UBR2: variants seen among roughly 807,000 people sequenced by gnomAD.
UBR2 encodes ubiquitin protein ligase E3 component n-recognin 2, also known as E3 ubiquitin-protein ligase UBR2.
Under a neutral mutation model 247.9 loss-of-function variants are expected in UBR2, and 92 were observed. That is an observed-to-expected ratio of 0.37 (90% CI 0.31 to 0.44). The LOEUF (loss-of-function observed/expected upper bound fraction) is 0.44. Among genes scored for constraint, UBR2 ranks in the 20% least tolerant of loss-of-function variants. The pLI, the probability that UBR2 is intolerant of heterozygous loss-of-function variation, is 1.00. For missense variants in UBR2, 1,613 were observed against 2,112.6 expected, an observed-to-expected ratio of 0.76 and a Z score of 4.64; for synonymous variants, 672 against 693.5, an observed-to-expected ratio of 0.97 and a Z score of 0.49.
intron 1 of UBR2, among the ~76,000 whole-genome samples, chr6:42,570,703 A>T (rs1582413405): frequency 6.6e-6 from 1 of 151,042 alleles, no homozygotes; most frequent in East Asian, 2.0e-4. Context: ...TTGTTTTTTG[A>T]GACAGGATCT....
intron 21 of UBR2, among the ~76,000 whole-genome samples, chr6:42,647,108 C>T (rs1235208860): frequency 6.6e-6 from 1 of 152,018 alleles, no homozygotes; most frequent in African/African-American, 2.4e-5. Context: ...AGGCATAAGC[C>T]ACCACACCTG....
At chr6:42,584,645 A>G (rs1387066111) in intron 2 of UBR2, among the ~76,000 whole-genome samples, 2 of 152,208 alleles carry the variant, frequency 1.3e-5, no homozygotes, top group Non-Finnish European at 2.9e-5. Context: ...TCCCAAGTCC[A>G]TAAACATTTT....
intron 3 of UBR2, 29 bp downstream of exon 3, chr6:42,592,258 G>A (rs371573220): frequency 2.0e-5 from 28 of 1,431,602 alleles, no homozygotes; most frequent in Admixed American, 7.5e-5. Context: ...ATAACCATGC[G>A]CAGTATTGCA....
At chr6:42,617,216 G>A in intron 10 of UBR2, 193 bp from the exon 11 acceptor site, 1 of 1,608,018 alleles carries the variant, frequency 6.2e-7, no homozygotes, top group Non-Finnish European at 8.5e-7. Context: ...TGGATTAGAG[G>A]TGAATCTCCC....
At chr6:42,672,224 G>GA (rs1798486197) in intron 36 of UBR2, among the ~76,000 whole-genome samples, 1 of 151,960 alleles carries the variant, frequency 6.6e-6, no homozygotes, top group Non-Finnish European at 1.5e-5. Context: ...GTAGAGATGG[G>GA]GTTTCACCAT....
chr6:42,649,945 TG>T (rs1221826550), intron 22 of UBR2, among the ~76,000 whole-genome samples: 2 of 152,218 alleles, frequency 1.3e-5, no homozygotes, highest in East Asian at 3.8e-4. Context: ...AGTCTTTACA[TG>T]TGAAAATAGA....
chr6:42,626,469 C>A (rs896010617), intron 11 of UBR2, among the ~76,000 whole-genome samples: 9 of 152,174 alleles, frequency 5.9e-5, no homozygotes, highest in African/African-American at 1.9e-4. Context: ...TTTACGGCTT[C>A]TCTTGTGTCT....
intron 34 of UBR2, among the ~76,000 whole-genome samples, chr6:42,667,547 T>C (rs2151980026): frequency 6.7e-6 from 1 of 148,558 alleles, no homozygotes; most frequent in South Asian, 2.1e-4. Context: ...TGATACAAGT[T>C]GCGTATTAGA....
At position 42,601,900 on chromosome 6, in the gene UBR2, TG is replaced by T. The variant is rs767045684; in HGVS notation, c.532-1687del. Among the ~76,000 whole-genome samples, 226 of 93,096 alleles carry T rather than the reference TG, an allele frequency of 2.4e-3. 2 individuals are homozygous for T. The highest frequency in any genetic ancestry group is 5.7e-3 in the Middle Eastern group (1 of 176). 61.1% of individuals were successfully genotyped at this position (93,096 alleles called of 152,430 possible). ...CTTTTTTTTTTTTTTGATGGAGTTT[TG>T]CTCTGTTGCCCAGGCTGGAGTACAG... On this transcript the variant is annotated intron_variant, in intron 4 of 46. Transcript: ENST00000372901.
intron 8 of UBR2, among the ~76,000 whole-genome samples, chr6:42,614,704 A>G (rs559408848): frequency 7.2e-5 from 11 of 152,248 alleles, no homozygotes; most frequent in South Asian, 2.1e-4. Context: ...TTATATTTCA[A>G]TTATGGAATG....
At chr6:42,632,056 T>TAAAA (rs1296746615) in intron 11 of UBR2, among the ~76,000 whole-genome samples, 1 of 126,958 alleles carries the variant, frequency 7.9e-6, no homozygotes. Context: ...TTTGCTTATT[T>TAAAA]AAAAAAAAAA....
At chr6:42,680,935 G>A (rs1465457663) in intron 42 of UBR2, among the ~76,000 whole-genome samples, 2 of 152,116 alleles carry the variant, frequency 1.3e-5, no homozygotes, top group Middle Eastern at 3.4e-3. Flanking sequence ...AGGCCCAGAC[G>A]GGCGGATCAC....
chr6:42,565,258 A>G (rs1403649984), intron 1 of UBR2, among the ~76,000 whole-genome samples: 1 of 152,208 alleles, frequency 6.6e-6, no homozygotes, highest in Non-Finnish European at 1.5e-5. Context: ...CACCCATTAG[A>G]AGAGATTGCC....
chr6:42,684,475 T>C (rs4714618), intron 43 of UBR2, among the ~76,000 whole-genome samples: 24,546 of 150,954 alleles, frequency 0.16, 2,546 homozygotes, highest in African/African-American at 0.29. Context: ...TCCCAGCTAC[T>C]CGGGAGGCTG....
intron 1 of UBR2, among the ~76,000 whole-genome samples, chr6:42,567,533 A>G (rs1293919782): frequency 6.6e-6 from 1 of 152,098 alleles, no homozygotes; most frequent in African/African-American, 2.4e-5. Flanking sequence ...GATAGAGACC[A>G]TCCTGGCCAA....
intron 37 of UBR2, 98 bp downstream of exon 37, chr6:42,673,985 G>T: frequency 7.9e-7 from 1 of 1,266,810 alleles, no homozygotes; most frequent in Non-Finnish European, 1.1e-6. Flanking sequence ...TAAATATTTA[G>T]TAGTACTGGT....
At chr6:42,676,428 T>C (rs1325012826) in intron 39 of UBR2, among the ~76,000 whole-genome samples, 2 of 152,272 alleles carry the variant, frequency 1.3e-5, no homozygotes, top group Non-Finnish European at 2.9e-5. Flanking sequence ...TGTAGAATAG[T>C]AATTAAATCT....
chr6:42,656,696 T>C (rs1797458319), intron 26 of UBR2, among the ~76,000 whole-genome samples: 1 of 152,218 alleles, frequency 6.6e-6, no homozygotes, highest in Non-Finnish European at 1.5e-5. Context: ...GAGGAAGTAA[T>C]TTTGTTTGCT....
intron 11 of UBR2, among the ~76,000 whole-genome samples, chr6:42,621,938 G>A (rs1795014249): frequency 6.6e-6 from 1 of 152,104 alleles, no homozygotes; most frequent in Admixed American, 6.6e-5. Flanking sequence ...TGAACTTGAT[G>A]TATTCCTTCA....
Sources: gnomAD v4.1 joint callset for allele counts (sites outside exome capture counted in the v4.1 genomes callset) on GRCh38, gnomAD v4.1.1 for gene constraint, MANE v1.5 for transcripts, NCBI Gene and HGNC (gene_info 2026-07-23, HGNC 2026-07-21) for gene names.